The following NDUFC2 variants were observed in gnomAD, a reference collection of about 807,000 sequenced individuals.
NDUFC2 encodes the protein NADH:ubiquinone oxidoreductase subunit C2.
Under a neutral mutation model 10.1 loss-of-function variants are expected in NDUFC2, and 2 were observed. That is an observed-to-expected ratio of 0.20 (90% CI 0.08 to 0.62). NDUFC2 has a LOEUF of 0.62. Among genes scored for constraint, NDUFC2 ranks in the 20% least tolerant of loss-of-function variants. NDUFC2 has a pLI of 0.87. For missense variants in NDUFC2, 156 were observed against 159.6 expected (o/e 0.98, Z 0.12); for synonymous variants, 61 against 63.6 (o/e 0.96, Z 0.20).
intron 1 of NDUFC2, among the ~76,000 whole-genome samples, chr11:78,079,026 C>G (rs1859383005): frequency 6.6e-6 from 1 of 150,472 alleles, no homozygotes; most frequent in East Asian, 2.0e-4. Flanking sequence ...TCGCGCAGCC[C>G]AGAATCCGAA....
rs997798292 is a variant in NDUFC2 at position 78,069,157 on chromosome 11, T to G, written c.*830A>C. 2 of 152,260 alleles carry G rather than the reference T, an allele frequency of 1.3e-5. No homozygotes were observed. Among genetic ancestry groups the G allele is most frequent in the Non-Finnish European group, 2.9e-5 (2 of 68,114 alleles). The allele number at this position is 152,260 out of a possible 1,614,324, so 9.4% of individuals were successfully genotyped here. On this transcript the variant is annotated 3_prime_UTR_variant, in exon 3 of 3. Coordinates refer to ENST00000281031, the MANE Select transcript of NDUFC2 (RefSeq NM_004549.6). ...GCCCTGCCTCAGCCTCTCAAAGTGC[T>G]GGGATTACAGGCATGAGCCACTGCA... is the stretch of plus-strand genomic sequence containing the variant.
At chr11:78,078,404 A>T (rs904100931) in intron 1 of NDUFC2, among the ~76,000 whole-genome samples, 1 of 152,086 alleles carries the variant, frequency 6.6e-6, no homozygotes, top group Admixed American at 6.6e-5. Flanking sequence ...TGCCCCCATT[A>T]GCTCCCACTA....
chr11:78,079,529 G>T (rs1486525985), intron 1 of NDUFC2, 50 bp downstream of exon 1: 3 of 1,538,150 alleles, frequency 2.0e-6, no homozygotes. Context: ...CCAGTCTGCA[G>T]CCCTACGACC....
Position 78,069,244 on chromosome 11 carries a change from C to T in NDUFC2, c.*743G>A, listed in dbSNP as rs1253356164. ...TAACCTCATTCCAGTTAGGTACAGT[C>T]TTTTGCTTCTAATTGCACCAAGCTC... On this transcript the variant is annotated 3_prime_UTR_variant, in exon 3 of 3. Coordinates refer to ENST00000281031, the MANE Select transcript of NDUFC2 (RefSeq NM_004549.6). 1 of 152,276 alleles carries T rather than the reference C, an allele frequency of 6.6e-6. No individual in the cohort carries two copies. Among genetic ancestry groups the T allele is most frequent in the African/African-American group, 2.4e-5 (1 of 41,440 alleles). The allele number at this position is 152,276 out of a possible 1,614,324, so 9.4% of individuals were successfully genotyped here.
chr11:78,076,907 A>C (rs770272222), intron 1 of NDUFC2, among the ~76,000 whole-genome samples: 1 of 152,106 alleles, frequency 6.6e-6, no homozygotes, highest in Non-Finnish European at 1.5e-5. Flanking sequence ...CTATCAAAAC[A>C]TGTATCTATC....
Position 78,070,050 on chromosome 11 carries a change from GA to G in NDUFC2, c.311-15del. The G allele has an allele frequency of 6.8e-7, 1 of 1,469,360 alleles. No homozygotes were observed. The highest frequency in any genetic ancestry group is 9.4e-7 in the Non-Finnish European group (1 of 1,066,222). The allele number at this position is 1,469,360 out of a possible 1,614,324, so 91.0% of individuals were successfully genotyped here. A position where few individuals can be genotyped will look rare whatever the true frequency, so the allele number is the denominator to read the frequency against. ...ATGTTTTCTTATCTATAAAAGGAAA[GA>G]TCATAAAAGATTTATTTTAAAAATA... On this transcript the variant is annotated splice_polypyrimidine_tract_variant and intron_variant, in intron 2 of 2. Transcript: ENST00000281031.
In NDUFC2 at chr11:78,079,793, G is replaced by A; in HGVS notation, c.-49C>T. The stretch of plus-strand genomic sequence containing the variant: ...CCTGGTCTCAGACCACGAACTACAA[G>A]GAAAACCACGACGACCACTACCCCG... On this transcript the variant is annotated 5_prime_UTR_variant, in exon 1 of 3. Coordinates refer to ENST00000281031, the MANE Select transcript of NDUFC2 (RefSeq NM_004549.6). The A allele has an allele frequency of 1.3e-6, 2 of 1,558,462 alleles. No homozygotes were observed. The highest frequency in any genetic ancestry group is 1.7e-6 in the Non-Finnish European group (2 of 1,157,926).
intron 1 of NDUFC2, among the ~76,000 whole-genome samples, chr11:78,079,089 G>C (rs116219371): frequency 0.012 from 1,573 of 134,594 alleles, 35 homozygotes; most frequent in African/African-American, 0.042. Context: ...GAGAAGCACT[G>C]GTGTCCAATA....
At chr11:78,078,016 C>T (rs771292135) in intron 1 of NDUFC2, among the ~76,000 whole-genome samples, 3 of 152,124 alleles carry the variant, frequency 2.0e-5, no homozygotes, top group Non-Finnish European at 4.4e-5. Context: ...GGAGTTATGT[C>T]CAAGGGAGAT....
intron 1 of NDUFC2, among the ~76,000 whole-genome samples, chr11:78,073,620 G>A (rs1173711229): frequency 6.6e-6 from 1 of 151,844 alleles, no homozygotes; most frequent in Non-Finnish European, 1.5e-5. Context: ...CAGTTCACAT[G>A]GTGAAACCCT....
chr11:78,077,470 T>C (rs1236028427), intron 1 of NDUFC2, among the ~76,000 whole-genome samples: 1 of 152,216 alleles, frequency 6.6e-6, no homozygotes, highest in African/African-American at 2.4e-5. Context: ...TCTTATTTTA[T>C]AGATGAGGAA....
chr11:78,070,294 C>T (rs1858947375), intron 2 of NDUFC2, among the ~76,000 whole-genome samples: 1 of 152,106 alleles, frequency 6.6e-6, no homozygotes, highest in Non-Finnish European at 1.5e-5. Context: ...TTGTTTGCCT[C>T]TTCTACCATG....
At chr11:78,070,811 C>T (rs1428278028) in intron 2 of NDUFC2, among the ~76,000 whole-genome samples, 1 of 152,204 alleles carries the variant, frequency 6.6e-6, no homozygotes, top group Non-Finnish European at 1.5e-5. Context: ...GTGCATGAGG[C>T]TCTTGGCACA....
At position 78,069,671 on chromosome 11, in the gene NDUFC2, A is replaced by G. The variant is rs1049290610; in HGVS notation, c.*316T>C. On this transcript the variant is annotated 3_prime_UTR_variant, in exon 3 of 3. Transcript: ENST00000281031. ...CAGCATGGCAGTCGCCATAAACAACATGTAAACAAATGAGCATGGCTGTGT... is the reference window on the plus strand; with the variant it reads ...CAGCATGGCAGTCGCCATAAACAACGTGTAAACAAATGAGCATGGCTGTGT... The G allele has an allele frequency of 1.7e-6, 1 of 584,112 alleles. No individual in the cohort carries two copies. The highest frequency in any genetic ancestry group is 1.9e-5 in the African/African-American group (1 of 53,174). 36.2% of individuals were successfully genotyped at this position (584,112 alleles called of 1,614,324 possible).
chr11:78,071,627 C>T (rs1859012545), intron 2 of NDUFC2, among the ~76,000 whole-genome samples: 1 of 152,128 alleles, frequency 6.6e-6, no homozygotes, highest in South Asian at 2.1e-4. Flanking sequence ...ATGTGCACAT[C>T]TGTGTTGTGT....
At position 78,073,155 on chromosome 11, in the gene NDUFC2, G is replaced by C; in HGVS notation, c.167-14C>G. On this transcript the variant is annotated splice_polypyrimidine_tract_variant and intron_variant, in intron 1 of 2. Coordinates refer to ENST00000281031, the MANE Select transcript of NDUFC2 (RefSeq NM_004549.6). ...GGCGATGCAAACCTGAAATTCAAAT[G>C]ACAAATCCCAAAGAAAGCAAAAATT... is the stretch of plus-strand genomic sequence containing the variant. 1 of 1,610,964 alleles carries C rather than the reference G, an allele frequency of 6.2e-7. No homozygotes were observed. The highest frequency in any genetic ancestry group is 1.1e-5 in the South Asian group (1 of 90,312).
rs368556934 is a variant in NDUFC2, at chr11:78,073,319, C to A, written c.167-178G>T. Reference sequence around the variant, plus strand: ...CCAGCCTGGCCAACATGGTGAAACCCTGTCTCTACTAAAAATACAAAATTT... The same window carrying A: ...CCAGCCTGGCCAACATGGTGAAACCATGTCTCTACTAAAAATACAAAATTT... On this transcript the variant is annotated intron_variant, in intron 1 of 2. Coordinates refer to ENST00000281031, the MANE Select transcript of NDUFC2 (RefSeq NM_004549.6). Among the ~76,000 whole-genome samples, 4 of 151,592 alleles carry A rather than the reference C, an allele frequency of 2.6e-5. No individual in the cohort carries two copies. The East Asian group carries it at 5.8e-4, about 22-fold the overall frequency.
At chr11:78,075,090 G>A (rs1179132654) in intron 1 of NDUFC2, among the ~76,000 whole-genome samples, 7 of 152,044 alleles carry the variant, frequency 4.6e-5, no homozygotes, top group African/African-American at 9.7e-5. Flanking sequence ...GTCTAACCCC[G>A]GCAGCTATTG....
At chr11:78,078,822 C>A (rs1401503327) in intron 1 of NDUFC2, among the ~76,000 whole-genome samples, 1 of 145,804 alleles carries the variant, frequency 6.9e-6, no homozygotes, top group African/African-American at 2.5e-5. Context: ...GCCTTCCAGG[C>A]TCAAACGACC....
Sources: allele counts gnomAD v4.1 joint callset (sites outside exome capture counted in the v4.1 genomes callset), GRCh38; gene constraint gnomAD v4.1.1; transcripts MANE v1.5; gene names NCBI Gene and HGNC (gene_info 2026-07-23, HGNC 2026-07-21).